The following ZEB1 variants were observed in gnomAD, a reference collection of about 807,000 sequenced individuals.
ZEB1 encodes zinc finger E-box binding homeobox 1, also known as zinc finger E-box-binding homeobox 1.
ZEB1 carries 21 observed loss-of-function variants against 84.9 expected under a neutral mutation model. The ratio of observed to expected loss-of-function variants is 0.25; its 90% CI spans 0.18 to 0.36. ZEB1 has a LOEUF of 0.36. ZEB1 is among the 10% of genes least tolerant of loss of function. The probability of loss-of-function intolerance (pLI) is 1.00; values close to 1 mark genes in which losing one functional copy is unlikely to be tolerated. For synonymous variants in ZEB1, 420 were observed against 471.1 expected, an observed-to-expected ratio of 0.89 and a Z score of 1.41; for missense variants, 1,104 against 1,330.2, an observed-to-expected ratio of 0.83 and a Z score of 2.65.
chr10:31,363,008 C>T (rs549978013), intron 1 of ZEB1: 29 of 1,533,884 alleles, frequency 1.9e-5, no homozygotes, highest in South Asian at 3.6e-5. Context: ...GGGGGCCGCT[C>T]GTCTCTATCA....
chr10:31,459,830 AGTGTGTGTGTGTGTGTGTGTGTGTGT>A (rs3086581), intron 1 of ZEB1, among the ~76,000 whole-genome samples: 1 of 129,810 alleles, frequency 7.7e-6, no homozygotes, highest in South Asian at 2.8e-4. Flanking sequence ...TGTTCTCAGG[AGTGTGTGTGTGTGTGTGTGTGTGTGT>A]GTGTGTGTGT....
At chr10:31,459,529 T>C (rs551905204) in intron 1 of ZEB1, among the ~76,000 whole-genome samples, 4 of 152,246 alleles carry the variant, frequency 2.6e-5, no homozygotes, top group Admixed American at 2.6e-4. Context: ...TTGCATTGAC[T>C]GATTTTACAT....
At chr10:31,426,304 C>G (rs1450253772) in intron 1 of ZEB1, among the ~76,000 whole-genome samples, 1 of 151,838 alleles carries the variant, frequency 6.6e-6, no homozygotes. Flanking sequence ...TTACTCTGCC[C>G]CCTACCCTCA....
At chr10:31,503,558 T>C (rs2068463856) in intron 4 of ZEB1, among the ~76,000 whole-genome samples, 1 of 152,024 alleles carries the variant, frequency 6.6e-6, no homozygotes, top group African/African-American at 2.4e-5. Flanking sequence ...CTCTTTGATA[T>C]ACCAACTTCC....
At chr10:31,380,729 A>G (rs1362835395) in intron 1 of ZEB1, among the ~76,000 whole-genome samples, 1 of 152,226 alleles carries the variant, frequency 6.6e-6, no homozygotes, top group African/African-American at 2.4e-5. Context: ...TGTCTTAAAT[A>G]TCATCTGTTA....
intron 1 of ZEB1, among the ~76,000 whole-genome samples, chr10:31,443,679 T>C (rs1458257141): frequency 2.7e-5 from 4 of 150,188 alleles, no homozygotes; most frequent in African/African-American, 2.5e-5. Flanking sequence ...TTTTTGTTCT[T>C]GCGATAGTTT....
chr10:31,486,207 TG>T (rs954990406), intron 2 of ZEB1, among the ~76,000 whole-genome samples: 5 of 151,782 alleles, frequency 3.3e-5, no homozygotes, highest in South Asian at 2.1e-4. Flanking sequence ...ATACAGGTTT[TG>T]GGGGGTGAAG....
chr10:31,360,318 T>A (rs901023420), intron 1 of ZEB1, among the ~76,000 whole-genome samples: 3 of 152,176 alleles, frequency 2.0e-5, no homozygotes, highest in Admixed American at 1.3e-4. Context: ...TGTGAGACCT[T>A]AAGCAAGTTC....
At chr10:31,458,544 T>A (rs1297349814) in intron 1 of ZEB1, among the ~76,000 whole-genome samples, 1 of 152,076 alleles carries the variant, frequency 6.6e-6, no homozygotes, top group African/African-American at 2.4e-5. Flanking sequence ...TTGACACGTA[T>A]TTTCTCATTA....
chr10:31,331,066 CTTTT>C (rs2036631635), intron 1 of ZEB1, among the ~76,000 whole-genome samples: 2 of 101,238 alleles, frequency 2.0e-5, no homozygotes, highest in East Asian at 2.6e-4. Flanking sequence ...ATTTTCTTTT[CTTTT>C]TTCTTTCTTT....
In ZEB1 at chr10:31,321,520, G is replaced by A. The variant is rs375150805; in HGVS notation, c.58+2228G>A. On this transcript the variant is annotated intron_variant, in intron 1 of 8. Coordinates refer to ENST00000424869, the MANE Select transcript of ZEB1 (RefSeq NM_001174096.2). ...GAGCTGTTGCCGCTGTTGCTGATGTGGCTTTATGAAAGGTAAGTTGGTTCG... is the reference window on the plus strand; with the variant it reads ...GAGCTGTTGCCGCTGTTGCTGATGTAGCTTTATGAAAGGTAAGTTGGTTCG... 5 of 1,613,838 alleles carry A rather than the reference G, an allele frequency of 3.1e-6. No homozygotes were observed. The African/African-American group carries it at 6.7e-5, about 22-fold the overall frequency.
intron 1 of ZEB1, among the ~76,000 whole-genome samples, chr10:31,425,105 G>T (rs2056757555): frequency 6.6e-6 from 1 of 152,002 alleles, no homozygotes; most frequent in African/African-American, 2.4e-5. Context: ...AACTCCTGAA[G>T]AAATTTGGGA....
intron 1 of ZEB1, among the ~76,000 whole-genome samples, chr10:31,323,377 T>A (rs1049852935): frequency 6.6e-6 from 1 of 152,054 alleles, no homozygotes; most frequent in Non-Finnish European, 1.5e-5. Flanking sequence ...ACTGTGTAAT[T>A]ATTTTTATAT....
chr10:31,367,689 T>C (rs1482283491), intron 1 of ZEB1, among the ~76,000 whole-genome samples: 1 of 152,200 alleles, frequency 6.6e-6, no homozygotes, highest in African/African-American at 2.4e-5. Context: ...AAACTCACTT[T>C]CTAAAGGATT....
chr10:31,343,032 T>G (rs987940185), intron 1 of ZEB1, among the ~76,000 whole-genome samples: 1 of 152,116 alleles, frequency 6.6e-6, no homozygotes, highest in Non-Finnish European at 1.5e-5. Flanking sequence ...CCAAGGACGG[T>G]AAAAACAAAA....
intron 1 of ZEB1, among the ~76,000 whole-genome samples, chr10:31,449,979 C>G (rs1384794547): frequency 6.6e-6 from 1 of 152,112 alleles, no homozygotes; most frequent in Non-Finnish European, 1.5e-5. Context: ...CTCAAGGTGA[C>G]AAGGCTAGTA....
At chr10:31,349,613 C>CCG in intron 1 of ZEB1, among the ~76,000 whole-genome samples, 1 of 152,296 alleles carries the variant, frequency 6.6e-6, no homozygotes, top group South Asian at 2.1e-4. Flanking sequence ...AATCACCATT[C>CCG]TAACAGGTGT....
At chr10:31,319,455 CCGCCGCTGCCGGAGCCG>C (rs1346261151) in intron 1 of ZEB1, 163 bp downstream of exon 1, 8 of 674,392 alleles carry the variant, frequency 1.2e-5, no homozygotes, top group Admixed American at 2.8e-5. Flanking sequence ...CCCTCCGCTG[CCGCCGCTGCCGGAGCCG>C]CGCCGCGGCC....
At chr10:31,376,233 T>C (rs2046601671) in intron 1 of ZEB1, among the ~76,000 whole-genome samples, 1 of 151,692 alleles carries the variant, frequency 6.6e-6, no homozygotes, top group Non-Finnish European at 1.5e-5. Context: ...CAATAAAGTA[T>C]AGTGGCTTAT....
Sources: allele counts gnomAD v4.1 joint callset (sites outside exome capture counted in the v4.1 genomes callset), GRCh38; gene constraint gnomAD v4.1.1; transcripts MANE v1.5; gene names NCBI Gene and HGNC (gene_info 2026-07-23, HGNC 2026-07-21).